CCDC73: variants seen among roughly 807,000 people sequenced by gnomAD.
CCDC73 encodes coiled-coil domain containing 73.
Under a neutral mutation model 116.5 loss-of-function variants are expected in CCDC73, and 95 were observed. That is an observed-to-expected ratio of 0.82 (90% CI 0.69 to 0.97). The LOEUF (loss-of-function observed/expected upper bound fraction) is 0.97. Among genes scored for constraint, CCDC73 ranks in the 50% least tolerant of loss-of-function variants. The pLI is 0.00. For missense variants in CCDC73, 1,066 were observed against 1,206.8 expected (o/e 0.88, Z 1.73); for synonymous variants, 398 against 401.3 (o/e 0.99, Z 0.10).
rs1280470006 is a variant in CCDC73, at chr11:32,616,023, A to G, written c.1292T>C (p.Met431Thr). Residue 431 changes from methionine to threonine, a missense_variant, in exon 15 of 18, where the codon ATG (methionine) becomes ACG (threonine). Coordinates refer to ENST00000335185, the MANE Select transcript of CCDC73 (RefSeq NM_001008391.4). ...NTEQEIREEN[M>T]ENFCSDTEYR... is the part of the protein sequence containing the mutation. ...TTCAGTATCTGAACAAAAATTCTCC[A>G]TATTTTCTTCCCTTATTTCTTGCTC... is the stretch of plus-strand genomic sequence containing the variant. 2.5e-6 allele frequency: 4 copies of G among 1,603,124 alleles called. No homozygotes were observed. Among genetic ancestry groups the G allele is most frequent in the Non-Finnish European group, 3.4e-6 (4 of 1,175,126 alleles).
chr11:32,774,794 A>G (rs1479760522), intron 1 of CCDC73, among the ~76,000 whole-genome samples: 2 of 152,234 alleles, frequency 1.3e-5, no homozygotes, highest in African/African-American at 4.8e-5. Context: ...TTAGCTTCCT[A>G]GCATAGGTAC....
In CCDC73 at chr11:32,638,916, G is replaced by A. The variant is rs141621982; in HGVS notation, c.1050+3056C>T. Among the ~76,000 whole-genome samples, 226 of 151,964 alleles carry A rather than the reference G, an allele frequency of 1.5e-3. 6 individuals carry two copies. The highest frequency in any genetic ancestry group is 5.3e-3 in the African/African-American group (219 of 41,294). On this transcript the variant is annotated intron_variant, in intron 13 of 17. Transcript: ENST00000335185. Reference sequence around the variant, plus strand: ...TAATCCTAGCACCTTGATAGGCCAAGGCAGGTGGGTTGCCTGAGCTCAGGA... The same window carrying A: ...TAATCCTAGCACCTTGATAGGCCAAAGCAGGTGGGTTGCCTGAGCTCAGGA...
chr11:32,641,322 G>T (rs1393270981), intron 13 of CCDC73, among the ~76,000 whole-genome samples: 1 of 151,610 alleles, frequency 6.6e-6, no homozygotes, highest in Non-Finnish European at 1.5e-5. Flanking sequence ...TCAATCTTGG[G>T]GTCCACCAAT....
the CCDC73 span, among the ~76,000 whole-genome samples, chr11:32,818,227 C>G: frequency 3.6e-3 from 541 of 152,354 alleles, 6 homozygotes; most frequent in African/African-American, 0.013. Context: ...CTGTCCTCTG[C>G]CCTTTCGGGC....
intron 14 of CCDC73, among the ~76,000 whole-genome samples, chr11:32,629,921 C>G (rs1366606155): frequency 1.8e-5 from 1 of 55,724 alleles, no homozygotes; most frequent in Non-Finnish European, 4.0e-5. Flanking sequence ...AGCAGATATG[C>G]AAAAAAAAAA....
At chr11:32,770,083 G>A (rs1850479631) in intron 1 of CCDC73, among the ~76,000 whole-genome samples, 1 of 152,128 alleles carries the variant, frequency 6.6e-6, no homozygotes, top group African/African-American at 2.4e-5. Flanking sequence ...TGGGTTGTTT[G>A]TCTGCTGGTT....
chr11:32,637,649 T>TAC (rs1554962283), intron 13 of CCDC73, among the ~76,000 whole-genome samples: 24 of 150,160 alleles, frequency 1.6e-4, no homozygotes, highest in African/African-American at 4.6e-4. Flanking sequence ...CTCTCTCTCT[T>TAC]ACACACACAC....
At chr11:32,733,469 C>T (rs1425772209) in intron 2 of CCDC73, among the ~76,000 whole-genome samples, 8 of 152,172 alleles carry the variant, frequency 5.3e-5, no homozygotes, top group Non-Finnish European at 2.9e-5. Flanking sequence ...AATATACATT[C>T]TTCTCAGCAC....
At chr11:32,754,452 A>G (rs1366989435) in intron 2 of CCDC73, among the ~76,000 whole-genome samples, 1 of 152,206 alleles carries the variant, frequency 6.6e-6, no homozygotes, top group African/African-American at 2.4e-5. Flanking sequence ...TTGGGGTTCA[A>G]GAAAAAGATA....
chr11:32,718,033 A>G, intron 3 of CCDC73, 43 bp downstream of exon 3: 1 of 1,355,948 alleles, frequency 7.4e-7, no homozygotes. Flanking sequence ...ACAATTCAAG[A>G]TGAGATTTGG....
intron 2 of CCDC73, among the ~76,000 whole-genome samples, chr11:32,749,961 C>A (rs56154102): frequency 6.6e-6 from 1 of 151,410 alleles, no homozygotes; most frequent in African/African-American, 2.4e-5. Context: ...ACCTCCACCT[C>A]CCGGGTTCAA....
chr11:32,717,355 C>T (rs1310392799), intron 3 of CCDC73, among the ~76,000 whole-genome samples: 2 of 152,148 alleles, frequency 1.3e-5, no homozygotes, highest in African/African-American at 4.8e-5. Flanking sequence ...TATTTGGTTA[C>T]ATTATGTAAT....
chr11:32,700,862 C>CTAT, intron 4 of CCDC73, 36 bp from the exon 5 acceptor site: 1 of 1,195,088 alleles, frequency 8.4e-7, no homozygotes, highest in Non-Finnish European at 1.2e-6. Context: ...ATAAAGGGAT[C>CTAT]ACTGTTAACA....
At position 32,686,222 on chromosome 11, in the gene CCDC73, A is replaced by C. The variant is rs558661587; in HGVS notation, c.391-2648T>G. On this transcript the variant is annotated intron_variant, in intron 6 of 17. Coordinates refer to ENST00000335185, the MANE Select transcript of CCDC73 (RefSeq NM_001008391.4). ...CTGAGGGAAAGCCAAAAAAAAAAAA[A>C]AAAAAAAAACCAGTAACTGGAAAAA... Among the ~76,000 whole-genome samples the C allele has an allele frequency of 6.3e-3, 956 of 150,732 alleles. 21 individuals are homozygous for C. The highest frequency in any genetic ancestry group is 0.023 in the African/African-American group (924 of 41,010).
At chr11:32,750,889 T>A (rs952636724) in intron 2 of CCDC73, among the ~76,000 whole-genome samples, 7 of 152,138 alleles carry the variant, frequency 4.6e-5, no homozygotes, top group African/African-American at 1.7e-4. Context: ...GGGTCTCTCC[T>A]CATAGCCACC....
intron 1 of CCDC73, among the ~76,000 whole-genome samples, chr11:32,768,137 C>T (rs1590638602): frequency 6.6e-6 from 1 of 152,194 alleles, no homozygotes; most frequent in East Asian, 1.9e-4. Flanking sequence ...GAATACTATG[C>T]AGCCATAAGA....
the CCDC73 span, among the ~76,000 whole-genome samples, chr11:32,806,530 G>A: frequency 4.6e-5 from 7 of 151,878 alleles, no homozygotes; most frequent in South Asian, 4.2e-4. Flanking sequence ...AGGCTGAGGC[G>A]GGAGGATTGC....
chr11:32,676,326 C>G (rs570160731), intron 7 of CCDC73, among the ~76,000 whole-genome samples: 10 of 152,138 alleles, frequency 6.6e-5, no homozygotes, highest in Non-Finnish European at 1.0e-4. Context: ...ATCAGCCTAA[C>G]ACTAAGAAAA....
chr11:32,713,783 A>G (rs1849921867), intron 3 of CCDC73, among the ~76,000 whole-genome samples: 1 of 152,034 alleles, frequency 6.6e-6, no homozygotes, highest in Non-Finnish European at 1.5e-5. Flanking sequence ...ATATTCAATC[A>G]GCATTGGTGG....
Sources: gnomAD v4.1 joint callset for allele counts (sites outside exome capture counted in the v4.1 genomes callset) on GRCh38, gnomAD v4.1.1 for gene constraint, MANE v1.5 for transcripts, NCBI Gene and HGNC (gene_info 2026-07-23, HGNC 2026-07-21) for gene names.